The following NELL1 variants were observed in gnomAD, a reference collection of about 807,000 sequenced individuals.
NELL1 encodes protein kinase C-binding protein NELL1.
Under a neutral mutation model 107.4 loss-of-function variants are expected in NELL1, and 76 were observed. That is an observed-to-expected ratio of 0.71 (90% CI 0.59 to 0.86). The LOEUF is 0.86. NELL1 is among the 40% of genes least tolerant of loss of function. The pLI, the probability that NELL1 is intolerant of heterozygous loss-of-function variation, is 0.00. For missense variants in NELL1, 1,024 were observed against 1,005.5 expected (o/e 1.02, Z -0.25); for synonymous variants, 353 against 341.2 (o/e 1.03, Z -0.38).
chr11:21,054,343 T>C (rs556128039), intron 12 of NELL1, among the ~76,000 whole-genome samples: 1 of 152,296 alleles, frequency 6.6e-6, no homozygotes, highest in South Asian at 2.1e-4. Flanking sequence ...TCTTGCATTC[T>C]ATCTTTTATG....
At chr11:20,913,200 C>T (rs924086359) in intron 5 of NELL1, among the ~76,000 whole-genome samples, 1 of 152,124 alleles carries the variant, frequency 6.6e-6, no homozygotes, top group Non-Finnish European at 1.5e-5. Flanking sequence ...AACACATCTT[C>T]ATCCATATAT....
chr11:21,058,584 A>T (rs1446111077), intron 12 of NELL1, among the ~76,000 whole-genome samples: 1 of 152,124 alleles, frequency 6.6e-6, no homozygotes, highest in African/African-American at 2.4e-5. Flanking sequence ...GCAAAACTCT[A>T]ATGGTGATGA....
At chr11:20,978,800 T>G (rs1473561648) in intron 12 of NELL1, among the ~76,000 whole-genome samples, 1 of 152,198 alleles carries the variant, frequency 6.6e-6, no homozygotes, top group Non-Finnish European at 1.5e-5. Flanking sequence ...CCTCAGCTTC[T>G]TTTCTTTCTT....
At chr11:21,239,821 C>T (rs1015024043) in intron 14 of NELL1, among the ~76,000 whole-genome samples, 1 of 152,036 alleles carries the variant, frequency 6.6e-6, no homozygotes, top group African/African-American at 2.4e-5. Context: ...TCAGACCCCA[C>T]TGCAGGGCTG....
chr11:21,039,169 C>T (rs945792669), intron 12 of NELL1, among the ~76,000 whole-genome samples: 3 of 151,888 alleles, frequency 2.0e-5, no homozygotes, highest in African/African-American at 7.3e-5. Flanking sequence ...AGAATGACTC[C>T]AGGAATTTTT....
At chr11:21,257,281 A>G (rs1858793891) in intron 14 of NELL1, among the ~76,000 whole-genome samples, 1 of 152,000 alleles carries the variant, frequency 6.6e-6, no homozygotes, top group South Asian at 2.1e-4. Flanking sequence ...TGAAGTAGAT[A>G]TTTTAAAGCT....
At chr11:21,450,695 C>A (rs118088051) in intron 15 of NELL1, among the ~76,000 whole-genome samples, 27 of 152,108 alleles carry the variant, frequency 1.8e-4, no homozygotes, top group African/African-American at 5.5e-4. Flanking sequence ...GGAAGAAAGC[C>A]GAATCTGGAC....
intron 4 of NELL1, among the ~76,000 whole-genome samples, chr11:20,875,279 C>T (rs555326578): frequency 8.6e-5 from 13 of 151,854 alleles, no homozygotes; most frequent in Non-Finnish European, 1.5e-4. Flanking sequence ...TTCATTTTTC[C>T]GTGTGAAATT....
intron 15 of NELL1, among the ~76,000 whole-genome samples, chr11:21,372,033 C>T (rs1330193313): frequency 2.0e-5 from 3 of 151,922 alleles, no homozygotes; most frequent in African/African-American, 7.2e-5. Context: ...GTAAGGAAGT[C>T]AGTGAACAAT....
chr11:21,206,496 G>A (rs1443481645), intron 13 of NELL1, among the ~76,000 whole-genome samples: 2 of 152,160 alleles, frequency 1.3e-5, no homozygotes, highest in African/African-American at 4.8e-5. Flanking sequence ...ATATGGGTGG[G>A]AATGAATAAT....
At chr11:21,109,840 G>A (rs928808322) in intron 12 of NELL1, among the ~76,000 whole-genome samples, 7 of 152,002 alleles carry the variant, frequency 4.6e-5, no homozygotes, top group South Asian at 2.1e-4. Flanking sequence ...TTTTTACTCC[G>A]TTTATAATCA....
chr11:21,133,685 C>G (rs1017562475), intron 13 of NELL1, among the ~76,000 whole-genome samples: 10 of 136,910 alleles, frequency 7.3e-5, no homozygotes, highest in African/African-American at 2.8e-4. Context: ...AAAATCAGAG[C>G]AGGACTCGGG....
chr11:20,785,582 G>T (rs1856937435), intron 3 of NELL1, among the ~76,000 whole-genome samples: 2 of 152,196 alleles, frequency 1.3e-5, no homozygotes, highest in Admixed American at 6.5e-5. Context: ...ATGCAGAGGA[G>T]AGCTTCCCAC....
At chr11:20,945,592 A>G (rs1850946004) in intron 10 of NELL1, among the ~76,000 whole-genome samples, 1 of 152,218 alleles carries the variant, frequency 6.6e-6, no homozygotes. Context: ...ATGAATAAAT[A>G]TATTAATATT....
intron 15 of NELL1, among the ~76,000 whole-genome samples, chr11:21,383,271 GT>G (rs34839579): frequency 0.64 from 96,601 of 151,550 alleles, 30,944 homozygotes; most frequent in South Asian, 0.69. Flanking sequence ...GCAGTATTCG[GT>G]TTTTTTGGGC....
intron 12 of NELL1, among the ~76,000 whole-genome samples, chr11:21,089,507 T>G (rs1283060316): frequency 6.6e-6 from 1 of 152,080 alleles, no homozygotes; most frequent in African/African-American, 2.4e-5. Context: ...CCCCCCTCAG[T>G]AGGATGCATA....
chr11:21,437,137 T>C (rs1279780679), intron 15 of NELL1, among the ~76,000 whole-genome samples: 1 of 152,208 alleles, frequency 6.6e-6, no homozygotes, highest in African/African-American at 2.4e-5. Flanking sequence ...TTTTGATCTA[T>C]AGTGAAGTTT....
chr11:21,035,691 T>G (rs891505928), intron 12 of NELL1, among the ~76,000 whole-genome samples: 1 of 152,126 alleles, frequency 6.6e-6, no homozygotes, highest in Non-Finnish European at 1.5e-5. Flanking sequence ...ACACCCCTCA[T>G]GTTAAAAAGT....
intron 14 of NELL1, among the ~76,000 whole-genome samples, chr11:21,337,656 G>C (rs1221755526): frequency 2.6e-5 from 4 of 152,144 alleles, no homozygotes; most frequent in Admixed American, 1.3e-4. Flanking sequence ...TGATGTCTCT[G>C]ACCCACGAAT....
Sources: allele counts gnomAD v4.1 joint callset (sites outside exome capture counted in the v4.1 genomes callset), GRCh38; gene constraint gnomAD v4.1.1; transcripts MANE v1.5; gene names NCBI Gene and HGNC (gene_info 2026-07-23, HGNC 2026-07-21).